The following TRPV4 variants were observed in gnomAD, a reference collection of about 807,000 sequenced individuals.
TRPV4 encodes OSM9-like transient receptor potential channel 4.
Under a neutral mutation model 84.1 loss-of-function variants are expected in TRPV4, and 58 were observed. That is an observed-to-expected ratio of 0.69 (90% CI 0.56 to 0.86). The LOEUF (loss-of-function observed/expected upper bound fraction) is 0.86, where lower values mean the gene tolerates loss of function less well. TRPV4 is among the 40% of genes least tolerant of loss of function. The probability of loss-of-function intolerance (pLI) is 0.00; values close to 1 mark genes in which losing one functional copy is unlikely to be tolerated. For missense variants in TRPV4, 879 were observed against 1,181.1 expected (o/e 0.74, Z 3.75); for synonymous variants, 489 against 500.9 (o/e 0.98, Z 0.32).
intron 1 of TRPV4, among the ~76,000 whole-genome samples, chr12:109,820,627 A>T (rs1233337409): frequency 7.0e-6 from 1 of 142,754 alleles, no homozygotes; most frequent in African/African-American, 2.7e-5. Flanking sequence ...GGTTCACGCC[A>T]TTCTTCTGCT....
chr12:109,804,444 T>C (rs574615896), intron 3 of TRPV4, among the ~76,000 whole-genome samples: 1 of 152,228 alleles, frequency 6.6e-6, no homozygotes, highest in Admixed American at 6.5e-5. Flanking sequence ...CTGCTTAGGG[T>C]CCTTTCTGGC....
intron 12 of TRPV4, 31 bp downstream of exon 12, chr12:109,792,332 T>C (rs371526932): frequency 9.4e-6 from 15 of 1,603,404 alleles, no homozygotes; most frequent in African/African-American, 1.3e-5. Flanking sequence ...GCACCACCCC[T>C]GCCAGGACCA....
intron 8 of TRPV4, 140 bp downstream of exon 8, chr12:109,794,189 T>G: frequency 8.1e-7 from 1 of 1,230,684 alleles, no homozygotes; most frequent in Non-Finnish European, 1.2e-6. Flanking sequence ...CCGTGGATGC[T>G]GGAGGGCGCC....
chr12:109,808,381 C>T lies in TRPV4; in HGVS notation c.474G>A (p.Val158=). 1 of 1,614,156 alleles carries T rather than the reference C, an allele frequency of 6.2e-7. No homozygotes were observed. Among genetic ancestry groups the T allele is most frequent in the Middle Eastern group, 1.6e-4 (1 of 6,062 alleles). The change falls in exon 3 of 16, where the codon GTG becomes GTA. Residue 158 remains valine (V), a synonymous_variant. Transcript: ENST00000261740. ...CCAGGTCAGCAGTGGAGCCCCGGGA[C>T]ACGATGTCAAAGAGGATAGGCCGGT... ...VFNRPILFDI[V]SRGSTADLDG... is the part of the protein sequence containing the mutation.
chr12:109,807,659 A>G (rs1165239936), intron 3 of TRPV4, among the ~76,000 whole-genome samples: 1 of 152,178 alleles, frequency 6.6e-6, no homozygotes, highest in Non-Finnish European at 1.5e-5. Flanking sequence ...GCAGGTGTTC[A>G]CAGGTAAGGC....
chr12:109,821,804 T>C (rs917393790), intron 1 of TRPV4, among the ~76,000 whole-genome samples: 1 of 152,180 alleles, frequency 6.6e-6, no homozygotes, highest in Admixed American at 6.5e-5. Context: ...AATGTTGGGA[T>C]TATAGGTGTG....
At chr12:109,801,585 A>T (rs1890787510) in intron 4 of TRPV4, among the ~76,000 whole-genome samples, 2 of 152,170 alleles carry the variant, frequency 1.3e-5, no homozygotes, top group Non-Finnish European at 2.9e-5. Context: ...TCTTTCCTTT[A>T]TAAATTATCC....
At position 109,794,365 on chromosome 12, in the gene TRPV4, G is replaced by A. The variant is rs189872222; in HGVS notation, c.1455C>T (p.Phe485=). 38 of 1,613,414 alleles carry A rather than the reference G, an allele frequency of 2.4e-5. No homozygotes were observed. The South Asian group carries it at 2.7e-4, about 12-fold the overall frequency. The change falls in exon 8 of 16, where the codon TTC becomes TTT. Residue 485 remains phenylalanine (F), a synonymous_variant. Transcript: ENST00000261740. ...GCGGCTGGTAGTAGGCGGTGAGAGT[G>A]AAGATGACCATGGCACACAGGTAGG... ...VVSYLCAMVI[F]TLTAYYQPLE...
intron 1 of TRPV4, among the ~76,000 whole-genome samples, chr12:109,825,140 G>A (rs960470356): frequency 2.6e-5 from 4 of 151,912 alleles, no homozygotes; most frequent in Non-Finnish European, 5.9e-5. Flanking sequence ...CCAGGAGTTC[G>A]AGACCAGCCT....
chr12:109,801,373 G>A (rs1592843526), intron 4 of TRPV4, among the ~76,000 whole-genome samples: 1 of 152,310 alleles, frequency 6.6e-6, no homozygotes, highest in Non-Finnish European at 1.5e-5. Context: ...AATCATGGGG[G>A]CAGTTACCCT....
At chr12:109,801,630 G>A (rs922071235) in intron 4 of TRPV4, among the ~76,000 whole-genome samples, 4 of 152,022 alleles carry the variant, frequency 2.6e-5, no homozygotes, top group Non-Finnish European at 5.9e-5. Flanking sequence ...GCATGAGAAC[G>A]GGCTAATACA....
chr12:109,811,625 T>C (rs1452841550), intron 2 of TRPV4, among the ~76,000 whole-genome samples: 1 of 149,588 alleles, frequency 6.7e-6, no homozygotes, highest in African/African-American at 2.5e-5. Context: ...GCCACTGCAC[T>C]CCAGCCTGAG....
chr12:109,799,721 C>G (rs945500860), intron 5 of TRPV4, among the ~76,000 whole-genome samples: 5 of 152,146 alleles, frequency 3.3e-5, no homozygotes, highest in African/African-American at 1.2e-4. Context: ...GGTCACATGC[C>G]TGGAAAGTGC....
rs576002815 is a variant in TRPV4 at position 109,810,148 on chromosome 12, C to T, written c.387-1680G>A. On this transcript the variant is annotated intron_variant, in intron 2 of 15. Coordinates refer to ENST00000261740, the MANE Select transcript of TRPV4 (RefSeq NM_021625.5). The stretch of plus-strand genomic sequence containing the variant: ...TTCAGTCATTCAACAAACATTATTT[C>T]GGCACCTATTATGTGCTAGGTTCTG... Among the ~76,000 whole-genome samples, 10 of 152,320 alleles carry T rather than the reference C, an allele frequency of 6.6e-5. 1 individual carries two copies. Among genetic ancestry groups the T allele is most frequent in the Admixed American group, 3.3e-4 (5 of 15,298 alleles).
In TRPV4 at chr12:109,811,456, G is replaced by A. The variant is rs540343200; in HGVS notation, c.386+2955C>T. On this transcript the variant is annotated intron_variant, in intron 2 of 15. Coordinates refer to ENST00000261740, the MANE Select transcript of TRPV4 (RefSeq NM_021625.5). ...GCAGGTCACTTGAGGACAGTAGTTC[G>A]AGACTAGCCTGGCCAACATGGTAAA... is the stretch of plus-strand genomic sequence containing the variant. Among the ~76,000 whole-genome samples, 17 of 152,238 alleles carry A rather than the reference G, an allele frequency of 1.1e-4. No individual in the cohort carries two copies. In the South Asian group the frequency reaches 2.1e-3, roughly 19 times the overall value.
intron 2 of TRPV4, among the ~76,000 whole-genome samples, chr12:109,808,773 A>C (rs956108781): frequency 2.1e-5 from 3 of 146,276 alleles, no homozygotes; most frequent in Admixed American, 6.7e-5. Flanking sequence ...CCATCCATCC[A>C]TCACTCATCT....
At chr12:109,804,713 G>A (rs1891013220) in intron 3 of TRPV4, among the ~76,000 whole-genome samples, 1 of 152,102 alleles carries the variant, frequency 6.6e-6, no homozygotes, top group East Asian at 1.9e-4. Context: ...TCCACCTGGC[G>A]CCCAGCTCAG....
rs1890915679 is a variant in TRPV4 at position 109,803,129 on chromosome 12, T to TC, written c.573dup (p.Lys192GlufsTer37). 5 of 1,614,038 alleles carry TC rather than the reference T, an allele frequency of 3.1e-6. No individual in the cohort carries two copies. Among genetic ancestry groups the TC allele is most frequent in the Non-Finnish European group, 4.2e-6 (5 of 1,180,022 alleles). On this transcript the variant is annotated frameshift_variant, in exon 4 of 16. Coordinates refer to ENST00000261740, the MANE Select transcript of TRPV4 (RefSeq NM_021625.5). LOFTEE classifies it high-confidence loss of function. Reference sequence around the variant, plus strand: ...AGCAAGGCCTTGGGCAGGCAGGTCTTCCCCGTAGATGGCTCTAGCAAGAGA... The same window carrying TC: ...AGCAAGGCCTTGGGCAGGCAGGTCTTCCCCCGTAGATGGCTCTAGCAAGAGA...
intron 1 of TRPV4, among the ~76,000 whole-genome samples, chr12:109,820,251 G>A (rs987410394): frequency 6.6e-6 from 1 of 152,074 alleles, no homozygotes; most frequent in Admixed American, 6.6e-5. Flanking sequence ...CTCAGGAGTG[G>A]GCAAGTTAAG....
Sources: gnomAD v4.1 joint callset for allele counts (sites outside exome capture counted in the v4.1 genomes callset) on GRCh38, gnomAD v4.1.1 for gene constraint, MANE v1.5 for transcripts, NCBI Gene and HGNC (gene_info 2026-07-23, HGNC 2026-07-21) for gene names.